The following PCDHA2 variants were observed in gnomAD, a reference collection of about 807,000 sequenced individuals.
PCDHA2 encodes protocadherin alpha 2.
A neutral mutation model predicts 66.0 loss-of-function variants in PCDHA2; 58 were observed. The ratio of observed to expected loss-of-function variants is 0.88; its 90% CI spans 0.71 to 1.09. The LOEUF (loss-of-function observed/expected upper bound fraction) is 1.09, where lower values mean the gene tolerates loss of function less well. Among genes scored for constraint, PCDHA2 ranks in the 50% least tolerant of loss-of-function variants. The probability of loss-of-function intolerance (pLI) is 0.00; values close to 1 mark genes in which losing one functional copy is unlikely to be tolerated. For synonymous variants in PCDHA2, 634 were observed against 554.0 expected (o/e 1.14, Z -2.03); for missense variants, 1,267 against 1,242.3 (o/e 1.02, Z -0.30).
At chr5:140,801,241 TG>T in intron 1 of PCDHA2, 1 of 1,613,232 alleles carries the variant, frequency 6.2e-7, no homozygotes, top group Middle Eastern at 1.7e-4. Flanking sequence ...CAGTGCCTGC[TG>T]CTTTCTCTTC....
chr5:140,797,196 C>A lies in PCDHA2; in HGVS notation c.2232C>A (p.Ala744=), dbSNP rs950362501. The A allele has an allele frequency of 6.2e-7, 1 of 1,614,128 alleles. No homozygotes were observed. The highest frequency in any genetic ancestry group is 8.5e-7 in the Non-Finnish European group (1 of 1,180,038). Residue 744 remains alanine (A), a synonymous_variant, in exon 1 of 4, where the codon GCC becomes GCA. Transcript: ENST00000526136. ...AGCCCACGCTGGTGTGCTCCAGCGC[C>A]GTGGGGAGCTGGTCTTACTCGCAGC... is the stretch of plus-strand genomic sequence containing the variant. ...PGKPTLVCSS[A]VGSWSYSQQR...
rs141054640 is a variant in PCDHA2 at position 140,849,634 on chromosome 5, A to G, written c.2388+52282A>G. The G allele has an allele frequency of 6.8e-4, 1,094 of 1,598,766 alleles. 107 individuals are homozygous for G. Among genetic ancestry groups the G allele is most frequent in the South Asian group, 1.2e-3 (106 of 90,564 alleles). On this transcript the variant is annotated intron_variant, in intron 1 of 3. Coordinates refer to ENST00000526136, the MANE Select transcript of PCDHA2 (RefSeq NM_018905.3). Reference sequence around the variant, plus strand: ...ATTAGTGTGATCGACCTAGACGCAGATGCCAACGGGCAGGTTACCTGCTCC... The same window carrying G: ...ATTAGTGTGATCGACCTAGACGCAGGTGCCAACGGGCAGGTTACCTGCTCC...
chr5:140,935,435 A>G (rs1268078110), intron 1 of PCDHA2, among the ~76,000 whole-genome samples: 1 of 152,256 alleles, frequency 6.6e-6, no homozygotes, highest in Non-Finnish European at 1.5e-5. Context: ...TCAGCACTAC[A>G]GAAATAATAT....
intron 1 of PCDHA2, chr5:140,857,742 TG>T (rs1562528366): frequency 1.3e-6 from 2 of 1,597,278 alleles, no homozygotes; most frequent in African/African-American, 2.7e-5. Context: ...CCCGCGCTGC[TG>T]GCGTCTCCCG....
chr5:140,846,457 C>T lies in PCDHA2; in HGVS notation c.2388+49105C>T, dbSNP rs111351744. Among the ~76,000 whole-genome samples the T allele has an allele frequency of 5.2e-3, 745 of 144,004 alleles. 43 individuals carry two copies. The highest frequency in any genetic ancestry group is 0.018 in the African/African-American group (687 of 39,152). 94.5% of individuals were successfully genotyped at this position (144,004 alleles called of 152,430 possible). On this transcript the variant is annotated intron_variant, in intron 1 of 3. Coordinates refer to ENST00000526136, the MANE Select transcript of PCDHA2 (RefSeq NM_018905.3). ...TGGCGCAATCTCGGCTCACTGCAAC[C>T]TCTGCCTCCCGGGTTCAAATGATTC...
At chr5:140,988,483 C>T (rs2097299555) in intron 3 of PCDHA2, among the ~76,000 whole-genome samples, 2 of 152,030 alleles carry the variant, frequency 1.3e-5, no homozygotes, top group African/African-American at 4.8e-5. Context: ...AATTAGCATC[C>T]CCTACCTAGG....
At chr5:140,869,350 A>G (rs1197202286) in intron 1 of PCDHA2, 3 of 1,614,064 alleles carry the variant, frequency 1.9e-6, no homozygotes, top group Non-Finnish European at 1.7e-6. Flanking sequence ...GCAGAATGGC[A>G]TTTTGTTTGT....
chr5:140,802,686 C>T (rs1762997565), intron 1 of PCDHA2: 4 of 1,613,064 alleles, frequency 2.5e-6, no homozygotes, highest in Non-Finnish European at 2.5e-6. Context: ...GCTGGTGGAA[C>T]GGCGGGTGGG....
chr5:140,979,999 C>G (rs1563478157), intron 2 of PCDHA2, among the ~76,000 whole-genome samples: 1 of 152,172 alleles, frequency 6.6e-6, no homozygotes, highest in African/African-American at 2.4e-5. Context: ...TTAACATACT[C>G]TCAAGCATTA....
chr5:140,899,269 A>G (rs1301807291), intron 1 of PCDHA2, among the ~76,000 whole-genome samples: 43 of 152,142 alleles, frequency 2.8e-4, no homozygotes, highest in African/African-American at 1.0e-3. Flanking sequence ...GTCTTGTGGC[A>G]GTTTTCAAAG....
intron 1 of PCDHA2, among the ~76,000 whole-genome samples, chr5:140,950,183 GA>G (rs879992336): frequency 5.9e-5 from 9 of 151,666 alleles, no homozygotes; most frequent in African/African-American, 1.7e-4. Context: ...AATTAAGAAG[GA>G]AAAAAATAGT....
chr5:140,829,438 T>G, intron 1 of PCDHA2: 1 of 1,613,992 alleles, frequency 6.2e-7, no homozygotes, highest in Non-Finnish European at 8.5e-7. Flanking sequence ...CCGACATGAA[T>G]GACAATGCTC....
chr5:140,866,967 C>T (rs1315852276), intron 1 of PCDHA2: 7 of 152,134 alleles, frequency 4.6e-5, no homozygotes, highest in African/African-American at 1.7e-4. Context: ...ATGGTGACAT[C>T]TGAAATATCA....
intron 1 of PCDHA2, among the ~76,000 whole-genome samples, chr5:140,919,229 C>T (rs1163633473): frequency 1.1e-4 from 17 of 152,144 alleles, no homozygotes; most frequent in African/African-American, 3.9e-4. Flanking sequence ...TTTCTAGTAA[C>T]ACTTTTTGTC....
intron 1 of PCDHA2, chr5:140,812,638 G>A (rs1554126027): frequency 6.6e-6 from 1 of 151,730 alleles, no homozygotes; most frequent in Non-Finnish European, 1.5e-5. Context: ...TTGTTTTCAT[G>A]TTTAAGAGAC....
rs3733707 is a variant in PCDHA2, at chr5:140,802,307, T to C, written c.2388+4955T>C. The C allele has an allele frequency of 0.54, 871,125 of 1,614,014 alleles. 237,206 individuals carry two copies. The highest frequency in any genetic ancestry group is 0.73 in the African/African-American group (54,740 of 75,008). The stretch of plus-strand genomic sequence containing the variant: ...ACTCTCCACTTAGCACAGTCATCGC[T>C]CTGATCAGCGTGTCCGACCGCGACT... On this transcript the variant is annotated intron_variant, in intron 1 of 3. Transcript: ENST00000526136.
At chr5:140,842,234 C>T (rs2150332362) in intron 1 of PCDHA2, 8 of 1,612,528 alleles carry the variant, frequency 5.0e-6, no homozygotes, top group Admixed American at 1.7e-5. Context: ...AATAGTGATT[C>T]GGGGTAATTT....
At position 140,933,888 on chromosome 5, in the gene PCDHA2, T is replaced by C. The variant is rs148048721; in HGVS notation, c.2389-45061T>C. On this transcript the variant is annotated intron_variant, in intron 1 of 3. Transcript: ENST00000526136. ...ATATATGTTAGTTTTATCTGTACTTTTGAATATTTTGGCATAAAGTTGTTT... is the reference window on the plus strand; with the variant it reads ...ATATATGTTAGTTTTATCTGTACTTCTGAATATTTTGGCATAAAGTTGTTT... Among the ~76,000 whole-genome samples the C allele has an allele frequency of 7.7e-3, 1,170 of 152,222 alleles. 4 individuals are homozygous for C. Among genetic ancestry groups the C allele is most frequent in the Admixed American group, 0.013 (200 of 15,288 alleles).
Position 140,807,362 on chromosome 5 carries a change from C to G in PCDHA2, c.2388+10010C>G, listed in dbSNP as rs145024223. On this transcript the variant is annotated intron_variant, in intron 1 of 3. Coordinates refer to ENST00000526136, the MANE Select transcript of PCDHA2 (RefSeq NM_018905.3). ...GGACCTGGGACTGGAGCTGGCGGAG[C>G]TGGTGCCGCGCCTGTTCCGGGTGGC... 544 of 1,609,962 alleles carry G rather than the reference C, an allele frequency of 3.4e-4. 1 individual carries two copies. Among genetic ancestry groups the G allele is most frequent in the Non-Finnish European group, 3.8e-4 (444 of 1,179,038 alleles).
Sources: gnomAD v4.1 joint callset for allele counts (sites outside exome capture counted in the v4.1 genomes callset) on GRCh38, gnomAD v4.1.1 for gene constraint, MANE v1.5 for transcripts, NCBI Gene and HGNC (gene_info 2026-07-23, HGNC 2026-07-21) for gene names.